NSMCE2: variants seen among roughly 807,000 people sequenced by gnomAD.
NSMCE2 encodes NSE2 SUMO ligase component of SMC5/6 complex.
In NSMCE2, 24 loss-of-function variants were observed where a neutral mutation model predicts 23.8. The ratio of observed to expected loss-of-function variants is 1.01; its 90% CI spans 0.73 to 1.42. The LOEUF is 1.42. Among genes scored for constraint, NSMCE2 ranks in the 40% most tolerant of loss-of-function variants. NSMCE2 has a pLI of 0.00. For synonymous variants in NSMCE2, 92 were observed against 94.1 expected (o/e 0.98, Z 0.13); for missense variants, 284 against 296.5 (o/e 0.96, Z 0.31).
At position 125,201,832 on chromosome 8, in the gene NSMCE2, G is replaced by A. The variant is rs549209917; in HGVS notation, c.418+19576G>A. ...CTATAGAGGCAGTAGCCCTTGATGA[G>A]CTGTGGTGGGCTCCCCCAAGTTCAA... On this transcript the variant is annotated intron_variant, in intron 5 of 7. Transcript: ENST00000287437. Among the ~76,000 whole-genome samples the A allele has an allele frequency of 3.1e-3, 468 of 152,358 alleles. 3 individuals are homozygous for A. The highest frequency in any genetic ancestry group is 0.011 in the African/African-American group (450 of 41,590).
intron 4 of NSMCE2, among the ~76,000 whole-genome samples, chr8:125,169,693 T>C (rs1822076793): frequency 6.6e-6 from 1 of 152,166 alleles, no homozygotes; most frequent in Non-Finnish European, 1.5e-5. Flanking sequence ...ATATTTCTTA[T>C]CTGGTAGCCC....
At chr8:125,245,157 C>A (rs1825907883) in intron 5 of NSMCE2, among the ~76,000 whole-genome samples, 1 of 152,090 alleles carries the variant, frequency 6.6e-6, no homozygotes, top group Admixed American at 6.6e-5. Flanking sequence ...GTGGTGGACA[C>A]CTGTAAGCCC....
chr8:125,150,635 G>A (rs960197324), intron 3 of NSMCE2, among the ~76,000 whole-genome samples: 3 of 151,726 alleles, frequency 2.0e-5, no homozygotes, highest in Non-Finnish European at 4.4e-5. Flanking sequence ...GCCTGCCTCG[G>A]CCTCCCAAAG....
chr8:125,304,941 A>T (rs1369318882), intron 5 of NSMCE2, among the ~76,000 whole-genome samples: 1 of 19,372 alleles, frequency 5.2e-5, no homozygotes, highest in Non-Finnish European at 9.3e-5. Flanking sequence ...GAAAGAAAGG[A>T]AGGAAGGAAG....
chr8:125,325,640 C>G (rs1563786126), intron 5 of NSMCE2, among the ~76,000 whole-genome samples: 4 of 152,128 alleles, frequency 2.6e-5, no homozygotes, highest in Non-Finnish European at 4.4e-5. Context: ...AGCCACTGTG[C>G]CTGGCTTAAG....
intron 5 of NSMCE2, among the ~76,000 whole-genome samples, chr8:125,305,268 A>T (rs1269322276): frequency 2.6e-5 from 4 of 152,244 alleles, no homozygotes; most frequent in Non-Finnish European, 5.9e-5. Flanking sequence ...CTACGGAGTA[A>T]GTAGTATCAT....
chr8:125,264,092 T>C (rs1460187625), intron 5 of NSMCE2, among the ~76,000 whole-genome samples: 3 of 152,128 alleles, frequency 2.0e-5, no homozygotes, highest in Non-Finnish European at 2.9e-5. Context: ...CCAACGAACA[T>C]AGAGACAAGT....
At chr8:125,210,819 C>T (rs1824301124) in intron 5 of NSMCE2, among the ~76,000 whole-genome samples, 1 of 152,116 alleles carries the variant, frequency 6.6e-6, no homozygotes, top group Non-Finnish European at 1.5e-5. Flanking sequence ...CTCTGGGGTT[C>T]AAGCGATTCT....
intron 5 of NSMCE2, among the ~76,000 whole-genome samples, chr8:125,210,996 G>A (rs1350622550): frequency 2.6e-5 from 4 of 152,118 alleles, no homozygotes; most frequent in Non-Finnish European, 5.9e-5. Context: ...GCCTCCCAAA[G>A]TGCTAGGATT....
intron 5 of NSMCE2, among the ~76,000 whole-genome samples, chr8:125,332,336 C>A (rs1829910178): frequency 6.6e-6 from 1 of 152,064 alleles, no homozygotes; most frequent in South Asian, 2.1e-4. Context: ...AAATTTTGAC[C>A]TTAGATACAT....
chr8:125,202,991 G>A (rs1264018223), intron 5 of NSMCE2, among the ~76,000 whole-genome samples: 1 of 152,132 alleles, frequency 6.6e-6, no homozygotes, highest in African/African-American at 2.4e-5. Context: ...TGAAGTGTCA[G>A]GAATTGCTGT....
At chr8:125,144,926 A>T (rs1820590496) in intron 3 of NSMCE2, among the ~76,000 whole-genome samples, 1 of 152,202 alleles carries the variant, frequency 6.6e-6, no homozygotes. Context: ...GTGGGTTTTG[A>T]CACTGAGTAA....
chr8:125,238,560 A>C (rs938083779), intron 5 of NSMCE2, among the ~76,000 whole-genome samples: 3 of 152,226 alleles, frequency 2.0e-5, no homozygotes, highest in Non-Finnish European at 4.4e-5. Context: ...CTGGGACTTC[A>C]TTAAACAGCA....
chr8:125,180,235 A>G (rs1822732105), intron 4 of NSMCE2, among the ~76,000 whole-genome samples: 1 of 152,156 alleles, frequency 6.6e-6, no homozygotes, highest in East Asian at 1.9e-4. Flanking sequence ...TCTCTTTTCC[A>G]AATTGAGCTT....
intron 3 of NSMCE2, among the ~76,000 whole-genome samples, chr8:125,115,759 T>G (rs1011294781): frequency 1.3e-5 from 2 of 152,170 alleles, no homozygotes; most frequent in Non-Finnish European, 2.9e-5. Flanking sequence ...TAAATAAATC[T>G]TTCATGGCCA....
intron 5 of NSMCE2, among the ~76,000 whole-genome samples, chr8:125,299,983 T>C (rs1446654332): frequency 6.6e-6 from 1 of 151,610 alleles, no homozygotes; most frequent in Non-Finnish European, 1.5e-5. Flanking sequence ...CATGCTTGGC[T>C]AATTTTTGTA....
At chr8:125,208,314 ACCTAT>A (rs1824193949) in intron 5 of NSMCE2, among the ~76,000 whole-genome samples, 3 of 152,230 alleles carry the variant, frequency 2.0e-5, no homozygotes, top group Non-Finnish European at 4.4e-5. Context: ...CAGCTGGTTT[ACCTAT>A]ACAGTATTTG....
At chr8:125,223,669 A>G (rs1824968259) in intron 5 of NSMCE2, among the ~76,000 whole-genome samples, 1 of 152,180 alleles carries the variant, frequency 6.6e-6, no homozygotes, top group South Asian at 2.1e-4. Flanking sequence ...AGCCATTCTA[A>G]CAGATGTGAA....
At chr8:125,265,779 A>G (rs986927794) in intron 5 of NSMCE2, among the ~76,000 whole-genome samples, 1 of 152,092 alleles carries the variant, frequency 6.6e-6, no homozygotes, top group South Asian at 2.1e-4. Flanking sequence ...TAAAATGCCT[A>G]GTTTTCTTTG....
Sources: gnomAD v4.1 joint callset for allele counts (sites outside exome capture counted in the v4.1 genomes callset) on GRCh38, gnomAD v4.1.1 for gene constraint, MANE v1.5 for transcripts, NCBI Gene and HGNC (gene_info 2026-07-23, HGNC 2026-07-21) for gene names.